The following CBLB variants were observed in gnomAD, a reference collection of about 807,000 sequenced individuals.
The protein encoded by CBLB is Cbl proto-oncogene B.
Under a neutral mutation model 104.9 loss-of-function variants are expected in CBLB, and 31 were observed. The observed-to-expected ratio is 0.30, with a 90% confidence interval of 0.22 to 0.40. The LOEUF is 0.40. Among genes scored for constraint, CBLB ranks in the 10% least tolerant of loss-of-function variants. The probability of loss-of-function intolerance (pLI) is 1.00; values close to 1 mark genes in which losing one functional copy is unlikely to be tolerated. For synonymous variants in CBLB, 440 were observed against 422.6 expected (o/e 1.04, Z -0.51); for missense variants, 1,062 against 1,214.6 (o/e 0.87, Z 1.87).
rs1047437910 is a variant in CBLB at position 105,762,416 on chromosome 3, G to T, written c.567-10798C>A. The T allele has an allele frequency of 4.6e-5, 7 of 152,338 alleles. No individual in the cohort carries two copies. The East Asian group carries it at 7.7e-4, about 17-fold the overall frequency. The allele number at this position is 152,338 out of a possible 1,614,324, so 9.4% of individuals were successfully genotyped here. On this transcript the variant is annotated intron_variant, in intron 4 of 18. Transcript: ENST00000394030. ...GCCTGGAGGCCTAGGAAGAAAAAAT[G>T]GTTTCATTGGCTGTACCCAAGGCCT...
chr3:105,861,316 G>C (rs1577973466), intron 2 of CBLB, among the ~76,000 whole-genome samples: 2 of 148,298 alleles, frequency 1.3e-5, no homozygotes, highest in East Asian at 3.9e-4. Context: ...TTAAATGCTA[G>C]AAGACTAGTT....
chr3:105,795,621 T>C (rs1446860442), intron 3 of CBLB, among the ~76,000 whole-genome samples: 4 of 152,216 alleles, frequency 2.6e-5, no homozygotes, highest in Non-Finnish European at 5.9e-5. Flanking sequence ...TCAAAACTTG[T>C]CGCCCAAAGC....
intron 4 of CBLB, among the ~76,000 whole-genome samples, chr3:105,761,284 G>A (rs1227184511): frequency 6.6e-6 from 1 of 152,088 alleles, no homozygotes; most frequent in Non-Finnish European, 1.5e-5. Flanking sequence ...CACCTGCCTT[G>A]GCCTCCCAAA....
At chr3:105,867,639 T>C (rs1305201367) in intron 1 of CBLB, 48 bp from the exon 2 acceptor site, 5 of 1,553,310 alleles carry the variant, frequency 3.2e-6, no homozygotes, top group Non-Finnish European at 4.4e-6. Context: ...GTTTTGAAAA[T>C]ATTTACCCAC....
intron 11 of CBLB, among the ~76,000 whole-genome samples, chr3:105,703,067 T>C (rs2069488319): frequency 6.6e-6 from 1 of 152,178 alleles, no homozygotes; most frequent in Non-Finnish European, 1.5e-5. Flanking sequence ...TACAGTATTT[T>C]AAAAGATCAG....
intron 3 of CBLB, among the ~76,000 whole-genome samples, chr3:105,814,131 T>C (rs1181337250): frequency 6.6e-6 from 1 of 152,076 alleles, no homozygotes; most frequent in African/African-American, 2.4e-5. Flanking sequence ...GACTCAGAAC[T>C]TGAGAAATCA....
chr3:105,791,292 G>T (rs1577225627), intron 3 of CBLB, among the ~76,000 whole-genome samples: 1 of 152,180 alleles, frequency 6.6e-6, no homozygotes, highest in East Asian at 1.9e-4. Context: ...AGCCCCTGGT[G>T]TATTAACCGT....
chr3:105,682,439 A>G (rs896818005), intron 14 of CBLB, among the ~76,000 whole-genome samples: 1 of 152,214 alleles, frequency 6.6e-6, no homozygotes, highest in African/African-American at 2.4e-5. Flanking sequence ...CCTTGGGTAC[A>G]CGACAAGTAC....
At chr3:105,673,113 G>A (rs1443407530) in intron 17 of CBLB, 62 of 148,586 alleles carry the variant, frequency 4.2e-4, no homozygotes, top group Admixed American at 2.5e-3. Context: ...CTGTCACCCA[G>A]GCTGGAGTGG....
intron 12 of CBLB, among the ~76,000 whole-genome samples, chr3:105,695,774 C>T (rs1328719471): frequency 1.3e-5 from 2 of 151,708 alleles, no homozygotes; most frequent in African/African-American, 4.8e-5. Context: ...TGCTCATGTT[C>T]TGTGTACTTA....
intron 9 of CBLB, among the ~76,000 whole-genome samples, chr3:105,730,711 C>A (rs2074225636): frequency 4.6e-5 from 7 of 151,980 alleles, no homozygotes; most frequent in Admixed American, 3.9e-4. Context: ...AAAAACAATA[C>A]TGAAAATAAA....
At chr3:105,841,458 A>G (rs1374010995) in intron 3 of CBLB, among the ~76,000 whole-genome samples, 2 of 151,550 alleles carry the variant, frequency 1.3e-5, no homozygotes, top group Non-Finnish European at 2.9e-5. Flanking sequence ...ACCAAGATAT[A>G]TATATATTTT....
chr3:105,833,211 G>T (rs1371402179), intron 3 of CBLB, among the ~76,000 whole-genome samples: 2 of 152,156 alleles, frequency 1.3e-5, no homozygotes, highest in African/African-American at 4.8e-5. Context: ...TATAGCCATC[G>T]CAGTTTCCAT....
chr3:105,868,690 C>G, intron 1 of CBLB, 46 bp downstream of exon 1: 1 of 998,758 alleles, frequency 1.0e-6, no homozygotes, highest in East Asian at 8.1e-5. Context: ...GGCCCCCGGG[C>G]CGGCAAGAAG....
At chr3:105,765,326 A>C (rs1441912603) in intron 4 of CBLB, among the ~76,000 whole-genome samples, 1 of 152,132 alleles carries the variant, frequency 6.6e-6, no homozygotes, top group African/African-American at 2.4e-5. Context: ...TAACCTCCAA[A>C]ATAAAGGTTG....
intron 3 of CBLB, among the ~76,000 whole-genome samples, chr3:105,780,242 GAAGAA>G (rs1364476400): frequency 2.0e-5 from 3 of 151,808 alleles, no homozygotes; most frequent in Non-Finnish European, 2.9e-5. Flanking sequence ...GACATAGGGA[GAAGAA>G]AAGAAACAAT....
chr3:105,698,495 T>C (rs2068674755), intron 12 of CBLB, among the ~76,000 whole-genome samples: 2 of 151,928 alleles, frequency 1.3e-5, no homozygotes, highest in African/African-American at 2.4e-5. Flanking sequence ...CTTAAATTTT[T>C]AGTACTTATC....
At chr3:105,866,794 C>A (rs1259016826) in intron 2 of CBLB, among the ~76,000 whole-genome samples, 2 of 152,174 alleles carry the variant, frequency 1.3e-5, no homozygotes, top group South Asian at 4.1e-4. Flanking sequence ...CCACCCCCAA[C>A]ATAAATTTTC....
At chr3:105,711,968 T>C (rs141076879) in intron 10 of CBLB, among the ~76,000 whole-genome samples, 2,200 of 152,232 alleles carry the variant, frequency 0.014, 22 homozygotes, top group Non-Finnish European at 0.019. Context: ...GATTTCTCTT[T>C]GAGGTCTGGC....
Sources: gnomAD v4.1 joint callset for allele counts (sites outside exome capture counted in the v4.1 genomes callset) on GRCh38, gnomAD v4.1.1 for gene constraint, MANE v1.5 for transcripts, NCBI Gene and HGNC (gene_info 2026-07-23, HGNC 2026-07-21) for gene names.